Variants in PDZD2 observed in about 807,000 individuals in gnomAD.
PDZD2 encodes PDZ domain-containing protein 2.
PDZD2 carries 90 observed loss-of-function variants against 220.7 expected under a neutral mutation model. That is an observed-to-expected ratio of 0.41 (90% CI 0.34 to 0.49). The LOEUF is 0.49. Ranked by LOEUF, PDZD2 falls within the 20% of genes least tolerant of loss-of-function variation. The pLI is 0.28. For synonymous variants in PDZD2, 1,375 were observed against 1,450.5 expected (o/e 0.95, Z 1.18); for missense variants, 3,174 against 3,608.5 (o/e 0.88, Z 3.08).
At chr5:32,011,059 G>A (rs1753278824) in intron 6 of PDZD2, among the ~76,000 whole-genome samples, 1 of 150,662 alleles carries the variant, frequency 6.6e-6, no homozygotes, top group African/African-American at 2.5e-5. Context: ...TGAGTTCAGT[G>A]CATATATTAA....
chr5:31,916,604 C>T (rs1743702359), intron 2 of PDZD2, among the ~76,000 whole-genome samples: 1 of 152,210 alleles, frequency 6.6e-6, no homozygotes, highest in Non-Finnish European at 1.5e-5. Context: ...ATTGGGCTTG[C>T]CCTGGCTCGA....
Position 31,913,807 on chromosome 5 carries a change from T to G in PDZD2, c.477-69348T>G, listed in dbSNP as rs116360196. ...AAGTAGAGTCGTGAAGGATTTTAGT[T>G]TGCATTTTTCTGGTAATCTTGAAGT... is the stretch of plus-strand genomic sequence containing the variant. On this transcript the variant is annotated intron_variant, in intron 2 of 24. Transcript: ENST00000438447. Among the ~76,000 whole-genome samples, 740 of 152,334 alleles carry G rather than the reference T, an allele frequency of 4.9e-3. 6 individuals carry two copies. The highest frequency in any genetic ancestry group is 0.016 in the African/African-American group (668 of 41,568).
intron 2 of PDZD2, among the ~76,000 whole-genome samples, chr5:31,836,738 G>C (rs1312830332): frequency 6.6e-6 from 1 of 152,086 alleles, no homozygotes; most frequent in Non-Finnish European, 1.5e-5. Context: ...AATTATGTAG[G>C]CTGGGCGAGG....
intron 1 of PDZD2, among the ~76,000 whole-genome samples, chr5:31,697,687 G>A (rs1747430583): frequency 1.3e-5 from 2 of 152,136 alleles, no homozygotes; most frequent in African/African-American, 4.8e-5. Context: ...GGCAGGGGCA[G>A]AGGACATTGG....
At chr5:31,679,857 G>A (rs1444946301) in intron 1 of PDZD2, among the ~76,000 whole-genome samples, 1 of 152,156 alleles carries the variant, frequency 6.6e-6, no homozygotes, top group Non-Finnish European at 1.5e-5. Flanking sequence ...AAGTTTCTTA[G>A]ATCCTGTAGT....
intron 1 of PDZD2, among the ~76,000 whole-genome samples, chr5:31,701,215 G>T (rs1442613589): frequency 6.8e-6 from 1 of 146,606 alleles, no homozygotes; most frequent in Admixed American, 6.9e-5. Context: ...ATTTTTTTTT[G>T]AGGCAGAGTC....
In PDZD2 at chr5:31,879,781, A is replaced by G. The variant is rs569914199; in HGVS notation, c.476+80057A>G. 3.9e-5 allele frequency among the ~76,000 whole-genome samples: 6 copies of G among 152,144 alleles called. No individual in the cohort carries two copies. In the South Asian group the frequency reaches 1.0e-3, roughly 26 times the overall value. Reference sequence around the variant, plus strand: ...ATTATCTTCAGGGTCTTTGTTAGATAGAGGAAAAAATGTTTATTTCTGGAA... The same window carrying G: ...ATTATCTTCAGGGTCTTTGTTAGATGGAGGAAAAAATGTTTATTTCTGGAA... On this transcript the variant is annotated intron_variant, in intron 2 of 24. Transcript: ENST00000438447.
At chr5:31,848,972 C>T (rs1474997372) in intron 2 of PDZD2, among the ~76,000 whole-genome samples, 1 of 152,066 alleles carries the variant, frequency 6.6e-6, no homozygotes, top group Non-Finnish European at 1.5e-5. Flanking sequence ...TGGCGTGAAC[C>T]CAGGAGGTGG....
chr5:31,773,614 C>T (rs751384529), intron 1 of PDZD2, among the ~76,000 whole-genome samples: 7 of 152,056 alleles, frequency 4.6e-5, no homozygotes, highest in Non-Finnish European at 4.4e-5. Flanking sequence ...CATGCCACAG[C>T]GCTGCAGCTT....
chr5:31,694,993 G>A (rs1561388590), intron 1 of PDZD2, among the ~76,000 whole-genome samples: 2 of 151,894 alleles, frequency 1.3e-5, no homozygotes, highest in Admixed American at 6.6e-5. Context: ...GCGTGGTGGC[G>A]TGTGCCTATA....
intron 1 of PDZD2, among the ~76,000 whole-genome samples, chr5:31,676,659 T>A (rs1189309262): frequency 1.3e-5 from 2 of 150,930 alleles, no homozygotes; most frequent in Non-Finnish European, 2.9e-5. Context: ...GTCCAAGCGA[T>A]TCTCCCTCCC....
intron 2 of PDZD2, among the ~76,000 whole-genome samples, chr5:31,813,449 C>CAAAAAAAAAAAAA (rs60551914): frequency 1.1e-5 from 1 of 94,206 alleles, no homozygotes; most frequent in African/African-American, 4.2e-5. Flanking sequence ...GACTCCGTCT[C>CAAAAAAAAAAAAA]AAAAAAAAAA....
At chr5:32,028,041 T>A (rs1024489690) in intron 6 of PDZD2, among the ~76,000 whole-genome samples, 1 of 152,106 alleles carries the variant, frequency 6.6e-6, no homozygotes, top group Non-Finnish European at 1.5e-5. Flanking sequence ...CATCTGCAGA[T>A]TTTTTCTTTT....
intron 1 of PDZD2, among the ~76,000 whole-genome samples, chr5:31,770,454 A>G (rs1752275644): frequency 6.6e-6 from 1 of 152,364 alleles, no homozygotes; most frequent in African/African-American, 2.4e-5. Context: ...CTGAGGTTGC[A>G]GAATTCATCC....
At chr5:31,855,569 G>T (rs1006297132) in intron 2 of PDZD2, among the ~76,000 whole-genome samples, 4 of 152,234 alleles carry the variant, frequency 2.6e-5, no homozygotes, top group Non-Finnish European at 5.9e-5. Context: ...GGGGGGCATG[G>T]CAGCAGCCCG....
chr5:31,998,445 A>G (rs1402434962), intron 4 of PDZD2, among the ~76,000 whole-genome samples: 2 of 152,228 alleles, frequency 1.3e-5, no homozygotes, highest in Non-Finnish European at 2.9e-5. Context: ...AAGGAGACAG[A>G]AAGTGAGAGA....
intron 1 of PDZD2, among the ~76,000 whole-genome samples, chr5:31,797,730 G>A (rs981419312): frequency 6.6e-6 from 1 of 152,146 alleles, no homozygotes; most frequent in Admixed American, 6.5e-5. Flanking sequence ...CAAGTTCTTT[G>A]GAAACGCAAA....
At position 31,958,003 on chromosome 5, in the gene PDZD2, A is replaced by C. The variant is rs80206911; in HGVS notation, c.477-25152A>C. ...TCATAATTTTAAAAACAAACCCAGA[A>C]ATTTTATACCATTTAAATCCAAAAT... On this transcript the variant is annotated intron_variant, in intron 2 of 24. Coordinates refer to ENST00000438447, the MANE Select transcript of PDZD2 (RefSeq NM_178140.4). 1.1e-3 allele frequency among the ~76,000 whole-genome samples: 172 copies of C among 152,274 alleles called. No individual in the cohort carries two copies. The East Asian group carries it at 0.03, about 26-fold the overall frequency.
intron 2 of PDZD2, among the ~76,000 whole-genome samples, chr5:31,941,789 A>G (rs1746236312): frequency 6.6e-6 from 1 of 152,190 alleles, no homozygotes; most frequent in Non-Finnish European, 1.5e-5. Context: ...GGTAATAGAA[A>G]TTTAACTTCT....
Sources: gnomAD v4.1 joint callset for allele counts (sites outside exome capture counted in the v4.1 genomes callset) on GRCh38, gnomAD v4.1.1 for gene constraint, MANE v1.5 for transcripts, NCBI Gene and HGNC (gene_info 2026-07-23, HGNC 2026-07-21) for gene names.